Variants in QSER1 observed in about 807,000 individuals in gnomAD.
The protein encoded by QSER1 is glutamine and serine rich 1.
Under a neutral mutation model 158.5 loss-of-function variants are expected in QSER1, and 49 were observed. The ratio of observed to expected loss-of-function variants is 0.31; its 90% CI spans 0.25 to 0.39. The LOEUF (loss-of-function observed/expected upper bound fraction) is 0.39. Among genes scored for constraint, QSER1 ranks in the 10% least tolerant of loss-of-function variants. The pLI is 1.00. For missense variants in QSER1, 1,754 were observed against 2,010.3 expected, an observed-to-expected ratio of 0.87 and a Z score of 2.44; for synonymous variants, 650 against 715.5, an observed-to-expected ratio of 0.91 and a Z score of 1.46.
In QSER1 at chr11:32,975,389, A is replaced by G. The variant is rs1229231392; in HGVS notation, c.5454+46A>G. ...TAAAAAAAATGTTTTTCAGAATGTT[A>G]AGGAGACTCTAGCCATAGTATTTTG... On this transcript the variant is annotated intron_variant, in intron 12 of 12. Coordinates refer to ENST00000650167, the MANE Select transcript of QSER1 (RefSeq NM_001076786.3). 4 of 1,600,190 alleles carry G rather than the reference A, an allele frequency of 2.5e-6. No individual in the cohort carries two copies. The Admixed American group carries it at 5.0e-5, about 20-fold the overall frequency.
chr11:32,900,734 C>T (rs151226348), intron 1 of QSER1, among the ~76,000 whole-genome samples: 7 of 152,210 alleles, frequency 4.6e-5, no homozygotes, highest in African/African-American at 1.4e-4. Context: ...ACTTTTGCAC[C>T]GGCTATTCTC....
intron 10 of QSER1, among the ~76,000 whole-genome samples, chr11:32,972,852 T>TAAGCAAGAGAAGAGTG (rs1338104141): frequency 1.3e-5 from 2 of 152,182 alleles, no homozygotes; most frequent in African/African-American, 4.8e-5. Flanking sequence ...GCAGTCAAAA[T>TAAGCAAGAGAAGAGTG]AAGCAAGAGA....
At chr11:32,906,438 C>T (rs1202328214) in intron 1 of QSER1, among the ~76,000 whole-genome samples, 3 of 152,136 alleles carry the variant, frequency 2.0e-5, no homozygotes, top group Non-Finnish European at 4.4e-5. Context: ...GAGACAGGGT[C>T]TTACTCTGTC....
At chr11:32,957,472 G>C (rs1481009271) in intron 7 of QSER1, among the ~76,000 whole-genome samples, 1 of 152,120 alleles carries the variant, frequency 6.6e-6, no homozygotes, top group Admixed American at 6.5e-5. Context: ...GACACCACCA[G>C]AGCCTGTGAG....
chr11:32,930,150 A>C (rs1236481444), intron 3 of QSER1, among the ~76,000 whole-genome samples: 1 of 152,104 alleles, frequency 6.6e-6, no homozygotes, highest in African/African-American at 2.4e-5. Context: ...TAAACCCCCC[A>C]CCGCAACACA....
intron 4 of QSER1, among the ~76,000 whole-genome samples, chr11:32,936,077 T>G (rs553008238): frequency 6.6e-6 from 1 of 152,302 alleles, no homozygotes; most frequent in South Asian, 2.1e-4. Flanking sequence ...TTAGGGTACA[T>G]GTGCACAACG....
At chr11:32,943,069 T>C (rs1273445701) in intron 4 of QSER1, among the ~76,000 whole-genome samples, 1 of 150,856 alleles carries the variant, frequency 6.6e-6, no homozygotes, top group Non-Finnish European at 1.5e-5. Flanking sequence ...CTTGTGATTT[T>C]TGCACATTGA....
At chr11:32,926,373 G>C (rs750281669) in intron 1 of QSER1, among the ~76,000 whole-genome samples, 13 of 152,094 alleles carry the variant, frequency 8.5e-5, no homozygotes, top group Non-Finnish European at 1.6e-4. Context: ...GGTTATATAA[G>C]AATGTCCTTA....
chr11:32,936,915 CA>C (rs1351247448), intron 4 of QSER1, among the ~76,000 whole-genome samples: 1 of 152,228 alleles, frequency 6.6e-6, no homozygotes, highest in Non-Finnish European at 1.5e-5. Context: ...TTTCATTACA[CA>C]GGGAAATTAA....
chr11:32,950,080 G>A (rs546539205), intron 4 of QSER1, among the ~76,000 whole-genome samples: 3 of 152,136 alleles, frequency 2.0e-5, no homozygotes, highest in Admixed American at 2.0e-4. Flanking sequence ...CAATTAAGGG[G>A]ATCACTGGCC....
intron 1 of QSER1, among the ~76,000 whole-genome samples, chr11:32,913,179 C>CTTTTTTTTTTT (rs61685246): frequency 3.7e-5 from 2 of 54,354 alleles, no homozygotes; most frequent in African/African-American, 7.5e-5. Context: ...TCTCCTCTTC[C>CTTTTTTTTTTT]TTTTTTTTTT....
At chr11:32,897,007 C>T (rs867961790) in intron 1 of QSER1, among the ~76,000 whole-genome samples, 54 of 152,214 alleles carry the variant, frequency 3.5e-4, no homozygotes, top group African/African-American at 1.3e-3. Flanking sequence ...AGTTTTTTCC[C>T]ATGGAAACCG....
At chr11:32,954,881 G>C (rs1180957148) in intron 5 of QSER1, among the ~76,000 whole-genome samples, 1 of 152,176 alleles carries the variant, frequency 6.6e-6, no homozygotes, top group African/African-American at 2.4e-5. Context: ...ACGTTAAAAA[G>C]TGCAGTGAAG....
intron 4 of QSER1, among the ~76,000 whole-genome samples, chr11:32,941,214 TA>T (rs1333785913): frequency 4.0e-4 from 4 of 10,122 alleles, no homozygotes; most frequent in Admixed American, 2.0e-3. Flanking sequence ...TTTTTGTTTT[TA>T]TTATTATTAT....
intron 1 of QSER1, among the ~76,000 whole-genome samples, chr11:32,895,614 A>C (rs555628381): frequency 2.4e-4 from 36 of 152,306 alleles, no homozygotes; most frequent in African/African-American, 6.7e-4. Context: ...TTTCTTGTGA[A>C]GGTGCAAATG....
intron 1 of QSER1, among the ~76,000 whole-genome samples, chr11:32,902,104 A>C (rs761410619): frequency 1.1e-3 from 165 of 152,302 alleles, no homozygotes; most frequent in Non-Finnish European, 1.7e-3. Context: ...AAAAAAATCC[A>C]CATAAAATCT....
intron 1 of QSER1, among the ~76,000 whole-genome samples, chr11:32,906,338 C>T (rs1012888323): frequency 9.9e-5 from 15 of 152,172 alleles, no homozygotes; most frequent in African/African-American, 3.6e-4. Flanking sequence ...AGGAGAATCG[C>T]TTGAACCTAG....
chr11:32,964,741 C>A (rs71468505), intron 8 of QSER1, among the ~76,000 whole-genome samples: 2 of 69,464 alleles, frequency 2.9e-5, no homozygotes, highest in Admixed American at 1.9e-4. Flanking sequence ...TATATATATA[C>A]ACACACACAC....
chr11:32,932,010 T>A lies in QSER1; in HGVS notation c.752T>A (p.Val251Glu). 1 of 1,614,218 alleles carries A rather than the reference T, an allele frequency of 6.2e-7. No homozygotes were observed. The highest frequency in any genetic ancestry group is 8.5e-7 in the Non-Finnish European group (1 of 1,180,042). Reference sequence around the variant, plus strand: ...GCATTTGAGCGCCTGGGCAGTTCTGTATTAAGTAACAGCATACCACCTCAG... The same window carrying A: ...GCATTTGAGCGCCTGGGCAGTTCTGAATTAAGTAACAGCATACCACCTCAG... ...ALAFERLGSS[V>E]LSNSIPPQSS... is the part of the protein sequence containing the mutation. The change falls in exon 4 of 13, where the codon GTA becomes GAA. Residue 251 changes from valine (V) to glutamate (E), a missense_variant. Physicochemically the swap from Val to Glu is moderately radical, Grantham distance 121 (BLOSUM62 -2). Around this residue, in one of 2 missense-constraint regions of QSER1, gnomAD observed 1,707 missense variants for 1,919.6 expected, o/e 0.89. Coordinates refer to ENST00000650167, the MANE Select transcript of QSER1 (RefSeq NM_001076786.3).
Sources: allele counts gnomAD v4.1 joint callset (sites outside exome capture counted in the v4.1 genomes callset), GRCh38; gene constraint gnomAD v4.1.1; regional missense constraint gnomAD v4.1.1; transcripts MANE v1.5; gene names NCBI Gene and HGNC (gene_info 2026-07-23, HGNC 2026-07-21).